Variants in CEP63 observed in about 807,000 individuals in gnomAD.
CEP63 encodes centrosomal protein 63, also known as centrosomal protein of 63 kDa.
Under a neutral mutation model 89.1 loss-of-function variants are expected in CEP63, and 84 were observed. That is an observed-to-expected ratio of 0.94 (90% CI 0.79 to 1.13). The LOEUF (loss-of-function observed/expected upper bound fraction) is 1.13, where lower values mean the gene tolerates loss of function less well. Among genes scored for constraint, CEP63 ranks in the 50% most tolerant of loss-of-function variants. The pLI, the probability that CEP63 is intolerant of heterozygous loss-of-function variation, is 0.00. For synonymous variants in CEP63, 267 were observed against 272.5 expected (o/e 0.98, Z 0.20); for missense variants, 838 against 813.3 (o/e 1.03, Z -0.37).
At chr3:134,697,278 G>T in the CEP63 span, among the ~76,000 whole-genome samples, 134 of 151,074 alleles carry the variant, frequency 8.9e-4, no homozygotes, top group Non-Finnish European at 1.6e-3. Context: ...ACATAAAGAA[G>T]AACTTTTTTT....
the CEP63 span, among the ~76,000 whole-genome samples, chr3:134,691,961 T>C: frequency 0.053 from 8,108 of 152,246 alleles, 281 homozygotes; most frequent in Non-Finnish European, 0.081. Flanking sequence ...CTGCTCGTCT[T>C]GATCTCCCAA....
intron 6 of CEP63, among the ~76,000 whole-genome samples, chr3:134,538,902 T>C (rs930808297): frequency 7.2e-5 from 11 of 152,170 alleles, no homozygotes; most frequent in African/African-American, 2.7e-4. Context: ...AAAACTTCAT[T>C]ATTAGTAAAA....
the CEP63 span, among the ~76,000 whole-genome samples, chr3:134,689,080 G>A: frequency 6.6e-6 from 1 of 152,192 alleles, no homozygotes; most frequent in Middle Eastern, 3.2e-3. Context: ...TCCAGCTTGT[G>A]TATGAAATGA....
the CEP63 span, among the ~76,000 whole-genome samples, chr3:134,731,075 A>G: frequency 6.6e-6 from 1 of 152,196 alleles, no homozygotes; most frequent in South Asian, 2.1e-4. Flanking sequence ...AGAGATAATC[A>G]TTATAAACAT....
downstream of CEP63, among the ~76,000 whole-genome samples, chr3:134,576,547 C>T (rs530174339): frequency 2.0e-5 from 3 of 152,346 alleles, no homozygotes; most frequent in South Asian, 2.1e-4. Context: ...AGACTGAGAG[C>T]GGAGAGGTAG....
chr3:134,750,430 A>T, the CEP63 span, among the ~76,000 whole-genome samples: 1 of 152,202 alleles, frequency 6.6e-6, no homozygotes, highest in Admixed American at 6.5e-5. Context: ...GGGCAGCAGG[A>T]TTCCTCCATC....
the CEP63 span, among the ~76,000 whole-genome samples, chr3:134,727,224 A>T: frequency 6.6e-6 from 1 of 152,214 alleles, no homozygotes; most frequent in African/African-American, 2.4e-5. Flanking sequence ...ATGGCAAAGA[A>T]GTCCCCATTT....
At chr3:134,580,526 T>C (rs1958321106) in intron 10 of CEP63, among the ~76,000 whole-genome samples, 1 of 151,616 alleles carries the variant, frequency 6.6e-6, no homozygotes, top group Non-Finnish European at 1.5e-5. Context: ...ATGTAGAAAG[T>C]AGAAGAGAAT....
intron 2 of CEP63, among the ~76,000 whole-genome samples, chr3:134,500,079 G>C (rs1006958008): frequency 6.6e-6 from 1 of 152,058 alleles, no homozygotes; most frequent in African/African-American, 2.4e-5. Context: ...CCCCGCCTCA[G>C]CCTCCCAAAG....
chr3:134,622,163 G>T, the CEP63 span, among the ~76,000 whole-genome samples: 8 of 152,182 alleles, frequency 5.3e-5, no homozygotes, highest in African/African-American at 1.9e-4. Context: ...CAGTTTCTCA[G>T]AAAGTTAAAT....
the CEP63 span, among the ~76,000 whole-genome samples, chr3:134,769,039 C>G: frequency 1.3e-5 from 2 of 152,170 alleles, no homozygotes; most frequent in Non-Finnish European, 2.9e-5. Context: ...AGGAACCGGT[C>G]AGGCCAGGGA....
At chr3:134,658,713 C>T in the CEP63 span, among the ~76,000 whole-genome samples, 6 of 152,166 alleles carry the variant, frequency 3.9e-5, no homozygotes, top group East Asian at 1.9e-4. Flanking sequence ...GAAGGTTAAA[C>T]GAGGACAAGA....
At chr3:134,621,947 T>A in the CEP63 span, among the ~76,000 whole-genome samples, 4 of 151,958 alleles carry the variant, frequency 2.6e-5, no homozygotes, top group South Asian at 8.3e-4. Flanking sequence ...AAATGGCCAA[T>A]AAGCACATAA....
At chr3:134,635,493 T>TAAAAA in the CEP63 span, among the ~76,000 whole-genome samples, 208 of 79,276 alleles carry the variant, frequency 2.6e-3, 6 homozygotes, top group East Asian at 0.013. Context: ...CGAGACTCTG[T>TAAAAA]AAAAAAAAAA....
chr3:134,561,861 T>C lies in CEP63; in HGVS notation c.*326T>C, dbSNP rs1957378853. On this transcript the variant is annotated 3_prime_UTR_variant, in exon 15 of 15. Transcript: ENST00000675561. The stretch of plus-strand genomic sequence containing the variant: ...TATGTACTAATTGAAATAAGGATTT[T>C]ATGATACATGTTGAAAATAAAGTAA... 1 of 1,077,516 alleles carries C rather than the reference T, an allele frequency of 9.3e-7. No individual in the cohort carries two copies. The highest frequency in any genetic ancestry group is 1.1e-6 in the Non-Finnish European group (1 of 885,924). 66.7% of individuals were successfully genotyped at this position (1,077,516 alleles called of 1,614,324 possible). A position where few individuals can be genotyped will look rare whatever the true frequency, so the allele number is the denominator to read the frequency against.
At chr3:134,703,290 C>T in the CEP63 span, among the ~76,000 whole-genome samples, 54 of 93,052 alleles carry the variant, frequency 5.8e-4, no homozygotes, top group Middle Eastern at 0.013. Context: ...AGTGAGACTC[C>T]GTCTCAAAAA....
intron 3 of CEP63, among the ~76,000 whole-genome samples, chr3:134,519,341 T>G (rs1946935627): frequency 1.3e-5 from 2 of 150,026 alleles, no homozygotes; most frequent in African/African-American, 2.5e-5. Context: ...ACCATGTTGG[T>G]CAGGCTGGTC....
At chr3:134,767,270 T>C in the CEP63 span, among the ~76,000 whole-genome samples, 1 of 152,214 alleles carries the variant, frequency 6.6e-6, no homozygotes, top group Admixed American at 6.5e-5. Flanking sequence ...GCTAGCATTT[T>C]AATGCAGGTG....
At chr3:134,607,756 A>G in the CEP63 span, 1 of 985,808 alleles carries the variant, frequency 1.0e-6, no homozygotes, top group Non-Finnish European at 1.2e-6. Flanking sequence ...GGGAGAGCAC[A>G]TGTCAGCCCA....
Sources: gnomAD v4.1 joint callset for allele counts (sites outside exome capture counted in the v4.1 genomes callset) on GRCh38, gnomAD v4.1.1 for gene constraint, MANE v1.5 for transcripts, NCBI Gene and HGNC (gene_info 2026-07-23, HGNC 2026-07-21) for gene names.